The following SAMD12 variants were observed in gnomAD, a reference collection of about 807,000 sequenced individuals.
SAMD12 encodes the protein sterile alpha motif domain-containing protein 12.
Under a neutral mutation model 15.0 loss-of-function variants are expected in SAMD12, and 9 were observed. The observed-to-expected ratio is 0.60, with a 90% CI of 0.36 to 1.05. The LOEUF (loss-of-function observed/expected upper bound fraction) is 1.05, where lower values mean the gene tolerates loss of function less well. Among genes scored for constraint, SAMD12 ranks in the 50% least tolerant of loss-of-function variants. SAMD12 has a pLI of 0.01. For missense variants in SAMD12, 230 were observed against 234.2 expected, an observed-to-expected ratio of 0.98 and a Z score of 0.12; for synonymous variants, 86 against 90.1, an observed-to-expected ratio of 0.96 and a Z score of 0.25.
In SAMD12 at chr8:118,379,238, T is replaced by C; in HGVS notation, c.*179A>G. 3.5e-6 allele frequency: 5 copies of C among 1,421,498 alleles called. No individual in the cohort carries two copies. Among genetic ancestry groups the C allele is most frequent in the Non-Finnish European group, 4.6e-6 (5 of 1,090,438 alleles). 88.1% of individuals were successfully genotyped at this position (1,421,498 alleles called of 1,614,324 possible). On this transcript the variant is annotated 3_prime_UTR_variant, in exon 4 of 4. Transcript: ENST00000314727. ...CTGCACATTATACAACTCTAGTGAG[T>C]GCAATCGTACCCTGATTGATGTGAC...
intron 2 of SAMD12, among the ~76,000 whole-genome samples, chr8:118,487,744 G>T (rs1466393944): frequency 1.3e-5 from 2 of 152,302 alleles, no homozygotes; most frequent in East Asian, 3.9e-4. Context: ...AAAGTAACTT[G>T]CTCAGAGATA....
the SAMD12 span, among the ~76,000 whole-genome samples, chr8:118,142,962 G>A: frequency 5.3e-5 from 8 of 152,270 alleles, no homozygotes; most frequent in South Asian, 4.1e-4. Flanking sequence ...CACAGGCACC[G>A]GCCAGGGCCT....
At chr8:118,265,690 G>A (rs1563722046) in intron 4 of SAMD12, among the ~76,000 whole-genome samples, 2 of 151,614 alleles carry the variant, frequency 1.3e-5, no homozygotes, top group Non-Finnish European at 2.9e-5. Flanking sequence ...ATAAATAATA[G>A]GGATCAGACT....
chr8:118,581,046 G>A (rs1827285304), intron 1 of SAMD12, among the ~76,000 whole-genome samples, 153 bp from the exon 2 acceptor site: 1 of 152,122 alleles, frequency 6.6e-6, no homozygotes, highest in African/African-American at 2.4e-5. Context: ...ATGGTGAGGA[G>A]GGAGCACGGT....
chr8:118,305,944 C>T (rs1347507537), intron 4 of SAMD12, among the ~76,000 whole-genome samples: 3 of 152,140 alleles, frequency 2.0e-5, no homozygotes, highest in South Asian at 2.1e-4. Flanking sequence ...GCGTCTTTGG[C>T]AGTGGCTGCA....
intron 4 of SAMD12, among the ~76,000 whole-genome samples, chr8:118,332,845 CT>C (rs1816868911): frequency 6.6e-6 from 1 of 152,240 alleles, no homozygotes; most frequent in African/African-American, 2.4e-5. Flanking sequence ...CTCTGGAATG[CT>C]TTCCCTTGTT....
chr8:118,505,692 A>G (rs754545654), intron 2 of SAMD12, among the ~76,000 whole-genome samples: 3 of 151,710 alleles, frequency 2.0e-5, no homozygotes, highest in Non-Finnish European at 4.4e-5. Context: ...TCTGGGCTTC[A>G]TATCTCGTAA....
chr8:118,296,864 TTGACCACCTACTC>T (rs958687770), intron 4 of SAMD12, among the ~76,000 whole-genome samples: 2 of 152,238 alleles, frequency 1.3e-5, no homozygotes, highest in African/African-American at 4.8e-5. Context: ...CAAACATCTG[TTGACCACCTACTC>T]TGTGCTAGGC....
At chr8:118,440,655 AAAACAC>A (rs1324368967) in intron 2 of SAMD12, among the ~76,000 whole-genome samples, 1 of 67,820 alleles carries the variant, frequency 1.5e-5, no homozygotes. Flanking sequence ...ATTTATGAGG[AAAACAC>A]ACACACACAC....
At chr8:118,436,794 C>G (rs952915545) in intron 3 of SAMD12, among the ~76,000 whole-genome samples, 1 of 152,124 alleles carries the variant, frequency 6.6e-6, no homozygotes, top group African/African-American at 2.4e-5. Flanking sequence ...GTTTTGTTAT[C>G]AAAGATACCA....
At chr8:118,433,969 A>C (rs1822498609) in intron 3 of SAMD12, among the ~76,000 whole-genome samples, 1 of 152,182 alleles carries the variant, frequency 6.6e-6, no homozygotes, top group Non-Finnish European at 1.5e-5. Flanking sequence ...TACACACCCC[A>C]TTGGTTTCTA....
the SAMD12 span, among the ~76,000 whole-genome samples, chr8:118,154,528 G>A: frequency 6.6e-6 from 1 of 152,154 alleles, no homozygotes; most frequent in Non-Finnish European, 1.5e-5. Context: ...GAAGCCCCAG[G>A]AAGAAAGAAG....
chr8:118,431,365 G>A (rs1450477890), intron 3 of SAMD12, among the ~76,000 whole-genome samples: 4 of 152,070 alleles, frequency 2.6e-5, no homozygotes, highest in African/African-American at 9.7e-5. Context: ...TCAAGTTTCT[G>A]ATCTATATCA....
intron 3 of SAMD12, among the ~76,000 whole-genome samples, chr8:118,438,174 G>A (rs1378041800): frequency 1.3e-5 from 2 of 152,110 alleles, no homozygotes; most frequent in South Asian, 2.1e-4. Context: ...ACTGCCTTCC[G>A]AATTTCTGAG....
At chr8:118,249,297 T>A (rs1158242299) in intron 4 of SAMD12, among the ~76,000 whole-genome samples, 2 of 152,174 alleles carry the variant, frequency 1.3e-5, no homozygotes, top group African/African-American at 4.8e-5. Context: ...ATCCTTATAT[T>A]ATGCACATCC....
intron 3 of SAMD12, among the ~76,000 whole-genome samples, chr8:118,393,532 G>A (rs1820398273): frequency 1.3e-5 from 2 of 151,884 alleles, no homozygotes; most frequent in African/African-American, 4.8e-5. Flanking sequence ...TTACAGGTGT[G>A]AGCCACCACT....
chr8:118,475,525 A>ATGT (rs1415326282), intron 2 of SAMD12, among the ~76,000 whole-genome samples: 3 of 152,206 alleles, frequency 2.0e-5, no homozygotes, highest in African/African-American at 7.2e-5. Flanking sequence ...CATTTTACAG[A>ATGT]TGTTGACCCT....
chr8:118,554,183 G>C (rs1346953650), intron 2 of SAMD12, among the ~76,000 whole-genome samples: 1 of 152,156 alleles, frequency 6.6e-6, no homozygotes, highest in Non-Finnish European at 1.5e-5. Flanking sequence ...CCATTACTGG[G>C]TATATACCCA....
chr8:118,259,241 G>C (rs1813023566), intron 4 of SAMD12, among the ~76,000 whole-genome samples: 1 of 152,116 alleles, frequency 6.6e-6, no homozygotes, highest in Non-Finnish European at 1.5e-5. Flanking sequence ...ATGTCTAACA[G>C]GCCAGAAATG....
Sources: gnomAD v4.1 joint callset for allele counts (sites outside exome capture counted in the v4.1 genomes callset) on GRCh38, gnomAD v4.1.1 for gene constraint, MANE v1.5 for transcripts, NCBI Gene and HGNC (gene_info 2026-07-23, HGNC 2026-07-21) for gene names.